The following CDCA8 variants were observed in gnomAD, a reference collection of about 807,000 sequenced individuals.
CDCA8 encodes the protein borealin.
CDCA8 carries 25 observed loss-of-function variants against 40.0 expected under a neutral mutation model. That is an observed-to-expected ratio of 0.63 (90% CI 0.46 to 0.87). The LOEUF (loss-of-function observed/expected upper bound fraction) is 0.87. Among genes scored for constraint, CDCA8 ranks in the 40% least tolerant of loss-of-function variants. CDCA8 has a pLI of 0.00. For synonymous variants in CDCA8, 111 were observed against 126.5 expected (o/e 0.88, Z 0.82); for missense variants, 280 against 348.4 (o/e 0.80, Z 1.56).
chr1:37,707,170 A>G, intron 9 of CDCA8, 106 bp downstream of exon 9: 1 of 784,408 alleles, frequency 1.3e-6, no homozygotes, highest in Admixed American at 2.1e-5. Context: ...TTCTACTTAA[A>G]TTTGTGTTGT....
At chr1:37,695,783 G>A in intron 2 of CDCA8, 127 bp from the exon 3 acceptor site, 1 of 695,032 alleles carries the variant, frequency 1.4e-6, no homozygotes. Flanking sequence ...AGAAAGAATA[G>A]ATTAGATGGT....
chr1:37,693,800 C>T (rs941855813), intron 2 of CDCA8, among the ~76,000 whole-genome samples: 1 of 152,080 alleles, frequency 6.6e-6, no homozygotes, highest in Non-Finnish European at 1.5e-5. Flanking sequence ...AAGAATAACC[C>T]GAAGCAGCTC....
Position 37,695,964 on chromosome 1 carries a change from C to A in CDCA8, c.264+14C>A. 1.2e-6 allele frequency: 2 copies of A among 1,613,328 alleles called. No individual in the cohort carries two copies. The highest frequency in any genetic ancestry group is 2.2e-5 in the South Asian group (2 of 91,036). ...GAGGCGGCAACAGTAAGTGACCTTT[C>A]CTATTTTCCAGCCAGTGGTTACTTA... On this transcript the variant is annotated intron_variant, in intron 3 of 9. Coordinates refer to ENST00000373055, the MANE Select transcript of CDCA8 (RefSeq NM_001256875.2).
intron 2 of CDCA8, among the ~76,000 whole-genome samples, chr1:37,693,763 A>G (rs1288097083): frequency 6.6e-6 from 1 of 152,224 alleles, no homozygotes; most frequent in African/African-American, 2.4e-5. Flanking sequence ...AATAAATGAC[A>G]TGGTTAGTTA....
chr1:37,702,037 C>CTT (rs34220599), intron 6 of CDCA8, among the ~76,000 whole-genome samples: 3,050 of 118,998 alleles, frequency 0.026, 173 homozygotes, highest in African/African-American at 0.087. Flanking sequence ...TCCTTCCCCA[C>CTT]TTTTTTTTTT....
rs1214725955 is a variant in CDCA8 at position 37,709,368 on chromosome 1, G to A, written c.*1002G>A. Reference sequence around the variant, plus strand: ...CCATGTGTGCCTGTGCCTGGGGCATGGACTTTGTTAAGCAGAGTCAGCAGT... The same window carrying A: ...CCATGTGTGCCTGTGCCTGGGGCATAGACTTTGTTAAGCAGAGTCAGCAGT... On this transcript the variant is annotated 3_prime_UTR_variant, in exon 10 of 10. Coordinates refer to ENST00000373055, the MANE Select transcript of CDCA8 (RefSeq NM_001256875.2). 1 of 152,218 alleles carries A rather than the reference G, an allele frequency of 6.6e-6. No homozygotes were observed. 9.4% of individuals were successfully genotyped at this position (152,218 alleles called of 1,614,324 possible).
intron 6 of CDCA8, among the ~76,000 whole-genome samples, chr1:37,702,275 G>T (rs1373548439): frequency 6.6e-6 from 1 of 151,212 alleles, no homozygotes; most frequent in Non-Finnish European, 1.5e-5. Flanking sequence ...CCGACCTCAG[G>T]TGATCCACCC....
At chr1:37,697,778 G>A (rs1645537452) in intron 3 of CDCA8, among the ~76,000 whole-genome samples, 1 of 152,232 alleles carries the variant, frequency 6.6e-6, no homozygotes, top group Non-Finnish European at 1.5e-5. Flanking sequence ...ATGGCAGAAG[G>A]TTGGCAGGAA....
At position 37,692,769 on chromosome 1, in the gene CDCA8, G is replaced by T. The variant is rs1158711892; in HGVS notation, c.79G>T (p.Asp27Tyr). ...GCGGAAGCTCGCCTCCTTTCTGAAA[G>T]ACTTCGACCGTGAAGGTAAGGGGCC... Reference protein sequence around the residue: ...RRRKLASFLKDFDREVEIRIK... With the variant: ...RRRKLASFLKYFDREVEIRIK... Residue 27 changes from aspartate (D) to tyrosine (Y), a missense_variant, in exon 1 of 10, where the codon GAC (aspartate) becomes TAC (tyrosine). Asp to Tyr is a radical substitution (Grantham distance 160, BLOSUM62 -3). Transcript: ENST00000373055. 2 of 1,613,680 alleles carry T rather than the reference G, an allele frequency of 1.2e-6. No homozygotes were observed. The highest frequency in any genetic ancestry group is 4.5e-5 in the East Asian group (2 of 44,864).
At chr1:37,694,073 G>A (rs140493487) in intron 2 of CDCA8, among the ~76,000 whole-genome samples, 1,827 of 152,326 alleles carry the variant, frequency 0.012, 43 homozygotes, top group African/African-American at 0.042. Flanking sequence ...CTGGGAGGCA[G>A]AGGTTGCGGT....
intron 4 of CDCA8, 98 bp downstream of exon 4, chr1:37,699,075 C>A: frequency 1.3e-6 from 1 of 761,642 alleles, no homozygotes; most frequent in Non-Finnish European, 2.3e-6. Flanking sequence ...GAGCCTCTTC[C>A]CTTTAATGTC....
chr1:37,692,987 G>C lies in CDCA8; in HGVS notation c.177G>C (p.Leu59=). 6.2e-7 allele frequency: 1 copy of C among 1,614,106 alleles called. No individual in the cohort carries two copies. Among genetic ancestry groups the C allele is most frequent in the Admixed American group, 1.7e-5 (1 of 60,014 alleles). Residue 59 remains leucine, a synonymous_variant, in exon 2 of 10, where the codon CTG becomes CTC. Transcript: ENST00000373055. ...EVDNLYNIEI[L]RLPKALREMN... The stretch of plus-strand genomic sequence containing the variant: ...ATAACCTCTACAACATCGAGATCCT[G>C]CGGCTCCCCAAGGCTCTGCGCGAGA...
chr1:37,701,296 T>G (rs1645561499), intron 5 of CDCA8, among the ~76,000 whole-genome samples: 1 of 151,866 alleles, frequency 6.6e-6, no homozygotes, highest in African/African-American at 2.4e-5. Flanking sequence ...CCAAGGAAGT[T>G]AGAGAAGCAG....
At chr1:37,697,938 G>A (rs1430442562) in intron 3 of CDCA8, among the ~76,000 whole-genome samples, 1 of 152,134 alleles carries the variant, frequency 6.6e-6, no homozygotes, top group African/African-American at 2.4e-5. Context: ...TTCCAAACCT[G>A]TAGTAATTAT....
Position 37,692,981 on chromosome 1 carries a change from G to A in CDCA8, c.171G>A (p.Glu57=), listed in dbSNP as rs1319100572. ...AGGTGGATAACCTCTACAACATCGA[G>A]ATCCTGCGGCTCCCCAAGGCTCTGC... ...LKEVDNLYNI[E]ILRLPKALRE... The change falls in exon 2 of 10, where the codon GAG becomes GAA. Residue 57 remains glutamate (E), a synonymous_variant. Transcript: ENST00000373055. The A allele has an allele frequency of 9.9e-6, 16 of 1,613,990 alleles. No homozygotes were observed. Among genetic ancestry groups the A allele is most frequent in the Non-Finnish European group, 1.4e-5 (16 of 1,180,006 alleles).
intron 8 of CDCA8, among the ~76,000 whole-genome samples, chr1:37,706,298 G>T (rs1006401940): frequency 6.6e-6 from 1 of 151,974 alleles, no homozygotes; most frequent in Non-Finnish European, 1.5e-5. Context: ...AGTAGAGATG[G>T]TGTTTCACCA....
rs766601028 is a variant in CDCA8 at position 37,705,445 on chromosome 1, T to C, written c.589T>C (p.Phe197Leu). The C allele has an allele frequency of 4.3e-6, 7 of 1,613,882 alleles. 1 individual carries two copies. In the Admixed American group the frequency reaches 1.0e-4, roughly 23 times the overall value. ...GLTPRFDSRV[F>L]KTPGLRTPAA... The stretch of plus-strand genomic sequence containing the variant: ...ACAGAGATTTTCCCATTCTAGGGTC[T>C]TCAAGACCCCTGGCCTGCGTACTCC... Residue 197 changes from phenylalanine to leucine, a missense_variant, in exon 8 of 10, where the codon TTC (phenylalanine) becomes CTC (leucine). Transcript: ENST00000373055.
At chr1:37,699,095 A>ATC (rs1645545252) in intron 4 of CDCA8, 118 bp downstream of exon 4, 1 of 666,346 alleles carries the variant, frequency 1.5e-6, no homozygotes, top group Non-Finnish European at 2.7e-6. Flanking sequence ...CTGGTTCTTA[A>ATC]TCTTGTAAAT....
At chr1:37,702,046 T>G (rs998792681) in intron 6 of CDCA8, among the ~76,000 whole-genome samples, 6 of 150,346 alleles carry the variant, frequency 4.0e-5, no homozygotes, top group Non-Finnish European at 8.9e-5. Flanking sequence ...ACTTTTTTTT[T>G]TTTTTTTTTT....
Sources: allele counts gnomAD v4.1 joint callset (sites outside exome capture counted in the v4.1 genomes callset), GRCh38; gene constraint gnomAD v4.1.1; transcripts MANE v1.5; gene names NCBI Gene and HGNC (gene_info 2026-07-23, HGNC 2026-07-21).